Variants in TBC1D32 observed in about 807,000 individuals in gnomAD.
TBC1D32 encodes protein broad-minded.
In TBC1D32, 151 loss-of-function variants were observed where a neutral mutation model predicts 170.3. The observed-to-expected ratio is 0.89, with a 90% CI of 0.78 to 1.01. The LOEUF (loss-of-function observed/expected upper bound fraction) is 1.01, where lower values mean the gene tolerates loss of function less well. Among genes scored for constraint, TBC1D32 ranks in the 50% least tolerant of loss-of-function variants. TBC1D32 has a pLI of 0.00. For missense variants in TBC1D32, 1,464 were observed against 1,457.1 expected, an observed-to-expected ratio of 1.00 and a Z score of -0.08; for synonymous variants, 498 against 488.0, an observed-to-expected ratio of 1.02 and a Z score of -0.27.
At chr6:121,272,500 A>C (rs569276274) in intron 15 of TBC1D32, among the ~76,000 whole-genome samples, 2 of 152,322 alleles carry the variant, frequency 1.3e-5, no homozygotes, top group South Asian at 4.1e-4. Context: ...CCACAGACAC[A>C]TGAAAAAATG....
chr6:121,288,329 C>T (rs1252554024), intron 12 of TBC1D32, among the ~76,000 whole-genome samples: 8 of 151,972 alleles, frequency 5.3e-5, no homozygotes, highest in East Asian at 1.9e-4. Context: ...ATATCAACAC[C>T]GATCCCACAG....
chr6:121,184,209 T>C (rs1788891256), intron 22 of TBC1D32, among the ~76,000 whole-genome samples: 1 of 152,008 alleles, frequency 6.6e-6, no homozygotes, highest in Non-Finnish European at 1.5e-5. Context: ...GCCTTGATTG[T>C]CCTAGCAAGC....
chr6:121,090,148 G>A lies in TBC1D32; in HGVS notation c.3654+705C>T, dbSNP rs78871607. Among the ~76,000 whole-genome samples the A allele has an allele frequency of 2.7e-3, 407 of 152,224 alleles. 16 individuals are homozygous for A. In the East Asian group the frequency reaches 0.065, roughly 24 times the overall value. Reference sequence around the variant, plus strand: ...GGGGTTTCACCGTGTTAGCCAGGATGGTCTCGATCTCCTGACCTTGTGATC... The same window carrying A: ...GGGGTTTCACCGTGTTAGCCAGGATAGTCTCGATCTCCTGACCTTGTGATC... On this transcript the variant is annotated intron_variant, in intron 31 of 31. Transcript: ENST00000398212.
chr6:121,142,773 A>G (rs1782955858), intron 24 of TBC1D32, among the ~76,000 whole-genome samples: 1 of 152,174 alleles, frequency 6.6e-6, no homozygotes, highest in African/African-American at 2.4e-5. Flanking sequence ...AACATAGTAG[A>G]GTGGACTAGC....
chr6:121,311,203 G>C (rs898946864), intron 3 of TBC1D32, among the ~76,000 whole-genome samples: 1 of 152,070 alleles, frequency 6.6e-6, no homozygotes, highest in Non-Finnish European at 1.5e-5. Flanking sequence ...GCTACCAATA[G>C]TACCCTAGGC....
chr6:121,096,593 A>C (rs1777441231), intron 30 of TBC1D32, among the ~76,000 whole-genome samples: 1 of 152,208 alleles, frequency 6.6e-6, no homozygotes, highest in Non-Finnish European at 1.5e-5. Context: ...GATAGGAAGA[A>C]TCAATATCAT....
chr6:121,315,288 C>A (rs1250520829), intron 3 of TBC1D32, among the ~76,000 whole-genome samples: 6 of 152,112 alleles, frequency 3.9e-5, no homozygotes, highest in Non-Finnish European at 7.4e-5. Flanking sequence ...AAGCTAAGTA[C>A]AGGGACCAGT....
At chr6:121,257,034 A>C (rs1313862389) in intron 15 of TBC1D32, among the ~76,000 whole-genome samples, 1 of 152,132 alleles carries the variant, frequency 6.6e-6, no homozygotes, top group African/African-American at 2.4e-5. Flanking sequence ...AATTTACACA[A>C]GTTCAATGGT....
rs781116575 is a variant in TBC1D32 at position 121,303,654 on chromosome 6, A to C, written c.1043T>G (p.Leu348Ter). 3 of 1,595,144 alleles carry C rather than the reference A, an allele frequency of 1.9e-6. No individual in the cohort carries two copies. The South Asian group carries it at 3.4e-5, about 18-fold the overall frequency. ...GAACCACACAGCCTTGGTATCAACT[A>C]ATGCAAAAAAGTAGATCGGATCCAA... is the stretch of plus-strand genomic sequence containing the variant. ...KILDPIYFFA[L>*]VDTKAVWFKK... is the part of the protein sequence containing the mutation. Residue 348 changes from leucine (L) to a stop codon, truncating the protein, a stop_gained, in exon 9 of 32, where the codon TTA becomes TGA. Coordinates refer to ENST00000398212, the MANE Select transcript of TBC1D32 (RefSeq NM_152730.6). LOFTEE classifies it high-confidence loss of function.
chr6:121,177,201 G>A (rs1276397305), intron 22 of TBC1D32, among the ~76,000 whole-genome samples: 1 of 152,118 alleles, frequency 6.6e-6, no homozygotes, highest in African/African-American at 2.4e-5. Context: ...GGGGCTTGGT[G>A]GGAAGTGACT....
At chr6:121,263,619 C>G (rs951427276) in intron 15 of TBC1D32, among the ~76,000 whole-genome samples, 2 of 152,130 alleles carry the variant, frequency 1.3e-5, no homozygotes, top group Non-Finnish European at 2.9e-5. Flanking sequence ...ACAGAACTCT[C>G]CACCCGAAAA....
At chr6:121,293,560 G>T (rs1419790076) in intron 11 of TBC1D32, among the ~76,000 whole-genome samples, 1 of 152,202 alleles carries the variant, frequency 6.6e-6, no homozygotes, top group Non-Finnish European at 1.5e-5. Context: ...ATGGCCAATT[G>T]TGTGATATAA....
At chr6:121,293,930 T>C (rs1805237624) in intron 11 of TBC1D32, among the ~76,000 whole-genome samples, 1 of 151,972 alleles carries the variant, frequency 6.6e-6, no homozygotes, top group Middle Eastern at 3.4e-3. Context: ...ATAAATAAAA[T>C]ACAGTTTCTT....
chr6:121,102,220 C>T (rs568143580), intron 30 of TBC1D32, among the ~76,000 whole-genome samples: 41 of 152,270 alleles, frequency 2.7e-4, no homozygotes, highest in Non-Finnish European at 4.3e-4. Flanking sequence ...ACTTTCTTCA[C>T]AGAATTGGAT....
rs1157754641 is a variant in TBC1D32 at position 121,174,424 on chromosome 6, A to G, written c.2571-13368T>C. The stretch of plus-strand genomic sequence containing the variant: ...ATGTCCCAGAGTAAACTGAATCAAA[A>G]GAGTCAGCACGGAGACAGAACCTGG... On this transcript the variant is annotated intron_variant, in intron 22 of 31. Transcript: ENST00000398212. 1.4e-4 allele frequency among the ~76,000 whole-genome samples: 21 copies of G among 152,300 alleles called. No homozygotes were observed. In the East Asian group the frequency reaches 3.7e-3, roughly 27 times the overall value.
intron 12 of TBC1D32, among the ~76,000 whole-genome samples, chr6:121,290,763 A>G (rs981533672): frequency 6.4e-4 from 98 of 151,960 alleles, no homozygotes; most frequent in South Asian, 3.1e-3. Flanking sequence ...ATGTCCAACA[A>G]TGATAGACTG....
intron 27 of TBC1D32, 120 bp from the exon 28 acceptor site, chr6:121,113,297 A>C (rs550752174): frequency 1.4e-5 from 8 of 560,012 alleles, no homozygotes; most frequent in Non-Finnish European, 2.5e-5. Context: ...CTCTCAATAC[A>C]TGTTTCTGAT....
At chr6:121,291,686 A>G (rs138610941) in intron 12 of TBC1D32, among the ~76,000 whole-genome samples, 2,186 of 152,240 alleles carry the variant, frequency 0.014, 14 homozygotes, top group Middle Eastern at 0.034. Flanking sequence ...CTTAAATATT[A>G]CCAATTTCAC....
intron 24 of TBC1D32, among the ~76,000 whole-genome samples, chr6:121,151,501 T>C (rs1459332002): frequency 6.6e-6 from 1 of 152,206 alleles, no homozygotes; most frequent in Non-Finnish European, 1.5e-5. Context: ...GAGAGTTCTG[T>C]AGATGTCTAT....
Sources: gnomAD v4.1 joint callset for allele counts (sites outside exome capture counted in the v4.1 genomes callset) on GRCh38, gnomAD v4.1.1 for gene constraint, MANE v1.5 for transcripts, NCBI Gene and HGNC (gene_info 2026-07-23, HGNC 2026-07-21) for gene names.